SLC16A2: variants seen among roughly 807,000 people sequenced by gnomAD.
SLC16A2 encodes the protein solute carrier family 16 member 2, also known as monocarboxylate transporter 8.
SLC16A2 carries 3 observed loss-of-function variants against 27.2 expected under a neutral mutation model. The observed-to-expected ratio is 0.11, with a 90% CI of 0.05 to 0.28. The LOEUF (loss-of-function observed/expected upper bound fraction) is 0.28, where lower values mean the gene tolerates loss of function less well. Among genes scored for constraint, SLC16A2 ranks in the 10% least tolerant of loss-of-function variants. The probability of loss-of-function intolerance (pLI) is 1.00; values close to 1 mark genes in which losing one functional copy is unlikely to be tolerated. For missense variants in SLC16A2, 295 were observed against 458.5 expected (o/e 0.64, Z 3.26); for synonymous variants, 202 against 187.8 (o/e 1.08, Z -0.62).
intron 1 of SLC16A2, among the ~76,000 whole-genome samples, chrX:74,458,462 C>A (rs1929074643): frequency 9.0e-6 from 1 of 111,373 alleles, no homozygotes; most frequent in South Asian, 3.8e-4. Flanking sequence ...GATTCTCCTG[C>A]CTCAGCCTCC....
intron 1 of SLC16A2, among the ~76,000 whole-genome samples, chrX:74,519,718 AAAAAAAAAAAAAC>A (rs1930375108): frequency 1.5e-5 from 1 of 67,747 alleles, no homozygotes; most frequent in Admixed American, 1.5e-4. Context: ...TGTGTCTCAA[AAAAAAAAAAAAAC>A]AAAAAAAAAA....
chrX:74,431,551 G>A (rs150255881), intron 1 of SLC16A2, among the ~76,000 whole-genome samples: 192 of 111,509 alleles, frequency 1.7e-3, no homozygotes, highest in African/African-American at 4.7e-3. Context: ...CAGGATCATC[G>A]TACACCAAAC....
chrX:74,485,546 GGCGGCCACTCCCAAATGGC>G (rs1219564228), intron 1 of SLC16A2, among the ~76,000 whole-genome samples: 3 of 110,485 alleles, frequency 2.7e-5, no homozygotes, highest in African/African-American at 6.6e-5. Flanking sequence ...CCCAAGATGG[GGCGGCCACTCCCAAATGGC>G]GCGGCCACTC....
intron 1 of SLC16A2, among the ~76,000 whole-genome samples, chrX:74,502,532 T>G (rs1313929161): frequency 8.0e-5 from 9 of 112,518 alleles, no homozygotes; most frequent in Non-Finnish European, 1.7e-4. Flanking sequence ...TCTCTGGATA[T>G]TTGTAAATGA....
chrX:74,444,340 A>G lies in SLC16A2; in HGVS notation c.430+22273A>G, dbSNP rs764521074. 5.5e-5 allele frequency among the ~76,000 whole-genome samples: 6 copies of G among 109,617 alleles called. No homozygotes were observed. In the East Asian group the frequency reaches 1.7e-3, roughly 32 times the overall value. On this transcript the variant is annotated intron_variant, in intron 1 of 5. Coordinates refer to ENST00000587091, the MANE Select transcript of SLC16A2 (RefSeq NM_006517.5). Reference sequence around the variant, plus strand: ...GTTACAGGGGAAGGAGCATGCCACAAGGAATCCGAAAGCTTGGGTTCTACC... The same window carrying G: ...GTTACAGGGGAAGGAGCATGCCACAGGGAATCCGAAAGCTTGGGTTCTACC...
intron 1 of SLC16A2, among the ~76,000 whole-genome samples, chrX:74,440,780 G>T (rs991578104): frequency 2.0e-5 from 2 of 100,589 alleles, no homozygotes; most frequent in Middle Eastern, 4.5e-3. Context: ...CGTGAACACG[G>T]ATGTGGTAAG....
intron 1 of SLC16A2, among the ~76,000 whole-genome samples, chrX:74,441,349 G>A (rs139690062): frequency 4.3e-3 from 475 of 109,749 alleles, no homozygotes; most frequent in African/African-American, 0.015. Flanking sequence ...ATGAGCCACC[G>A]CACCAGGCAG....
chrX:74,521,229 T>A, intron 2 of SLC16A2, 95 bp downstream of exon 2: 1 of 1,053,204 alleles, frequency 9.5e-7, no homozygotes, highest in Non-Finnish European at 1.3e-6. Context: ...CAGAATCCCC[T>A]GTGGCCATGG....
chrX:74,441,359 G>A lies in SLC16A2; in HGVS notation c.430+19292G>A, dbSNP rs191907135. Among the ~76,000 whole-genome samples, 62 of 110,971 alleles carry A rather than the reference G, an allele frequency of 5.6e-4. 2 individuals carry two copies. The Admixed American group carries it at 5.7e-3, about 10-fold the overall frequency. ...CAGGCATGAGCCACCGCACCAGGCA[G>A]AGACCTACACACTTTTACAATTTGC... On this transcript the variant is annotated intron_variant, in intron 1 of 5. Transcript: ENST00000587091.
At chrX:74,472,343 G>A (rs1428471336) in intron 1 of SLC16A2, among the ~76,000 whole-genome samples, 1 of 110,959 alleles carries the variant, frequency 9.0e-6, no homozygotes, top group Non-Finnish European at 1.9e-5. Flanking sequence ...TTATATGTAG[G>A]TATGTACTTC....
intron 1 of SLC16A2, among the ~76,000 whole-genome samples, chrX:74,450,207 GC>G (rs1306910117): frequency 8.9e-6 from 1 of 112,378 alleles, no homozygotes; most frequent in East Asian, 2.8e-4. Context: ...CCCATTATAT[GC>G]CCCAGGGCCT....
chrX:74,449,986 G>T (rs1928909416), intron 1 of SLC16A2, among the ~76,000 whole-genome samples: 1 of 112,036 alleles, frequency 8.9e-6, no homozygotes, highest in African/African-American at 3.2e-5. Flanking sequence ...GACCAGGATG[G>T]TCCATCCTTC....
chrX:74,452,725 C>T (rs944640123), intron 1 of SLC16A2, among the ~76,000 whole-genome samples: 4 of 110,975 alleles, frequency 3.6e-5, no homozygotes, highest in South Asian at 3.8e-4. Context: ...CCTTCACTGA[C>T]GGTCACTGAC....
intron 1 of SLC16A2, among the ~76,000 whole-genome samples, chrX:74,506,937 A>AT (rs34001854): frequency 9.5e-4 from 80 of 84,052 alleles, no homozygotes; most frequent in Non-Finnish European, 1.4e-3. Context: ...TTATTTATTT[A>AT]TTTTTTTTTT....
At chrX:74,525,100 G>A (rs1032266619) in intron 3 of SLC16A2, among the ~76,000 whole-genome samples, 2 of 111,827 alleles carry the variant, frequency 1.8e-5, no homozygotes, top group Non-Finnish European at 3.8e-5. Flanking sequence ...CAGGATGCAG[G>A]AGACTGGCCC....
At chrX:74,429,401 G>T (rs747344384) in intron 1 of SLC16A2, among the ~76,000 whole-genome samples, 3 of 109,529 alleles carry the variant, frequency 2.7e-5, no homozygotes, top group Admixed American at 9.7e-5. Context: ...GAGCCAAGGC[G>T]GTTGACGTTG....
At chrX:74,440,977 G>A (rs144581118) in intron 1 of SLC16A2, among the ~76,000 whole-genome samples, 1,406 of 110,604 alleles carry the variant, frequency 0.013, 22 homozygotes, top group African/African-American at 0.045. Context: ...TACACACTTT[G>A]TTTTTTGTGA....
At chrX:74,493,958 C>CCCCT (rs928399203) in intron 1 of SLC16A2, among the ~76,000 whole-genome samples, 1 of 111,711 alleles carries the variant, frequency 9.0e-6, no homozygotes, top group African/African-American at 3.3e-5. Context: ...TCTTGCTTCT[C>CCCCT]CCCTCCCTCT....
At chrX:74,528,099 A>T (rs899741238) in intron 4 of SLC16A2, among the ~76,000 whole-genome samples, 1 of 111,895 alleles carries the variant, frequency 8.9e-6, no homozygotes, top group Non-Finnish European at 1.9e-5. Context: ...AATAACCTTG[A>T]CCCCCACTCC....
Sources: gnomAD v4.1 joint callset for allele counts (sites outside exome capture counted in the v4.1 genomes callset) on GRCh38, gnomAD v4.1.1 for gene constraint, MANE v1.5 for transcripts, NCBI Gene and HGNC (gene_info 2026-07-23, HGNC 2026-07-21) for gene names.